The following CACNA1E variants were observed in gnomAD, a reference collection of about 807,000 sequenced individuals.
The protein encoded by CACNA1E is calcium voltage-gated channel subunit alpha1 E.
In CACNA1E, 40 loss-of-function variants were observed where a neutral mutation model predicts 259.2. The observed-to-expected ratio is 0.15, with a 90% confidence interval of 0.12 to 0.20. The LOEUF (loss-of-function observed/expected upper bound fraction) is 0.20. Among genes scored for constraint, CACNA1E ranks in the 10% least tolerant of loss-of-function variants. The pLI is 1.00. For synonymous variants in CACNA1E, 1,104 were observed against 1,138.5 expected (o/e 0.97, Z 0.61); for missense variants, 1,874 against 3,040.1 (o/e 0.62, Z 9.02).
chr1:181,776,293 G>A lies in CACNA1E; in HGVS notation c.5267+65G>A. 6.4e-7 allele frequency: 1 copy of A among 1,570,966 alleles called. No individual in the cohort carries two copies. Among genetic ancestry groups the A allele is most frequent in the South Asian group, 1.1e-5 (1 of 90,020 alleles). The stretch of plus-strand genomic sequence containing the variant: ...AAAGGTCTCTGGAGTTCCCAGGGAA[G>A]AGGCTGGAATTGGAGCCACCCAAAT... On this transcript the variant is annotated intron_variant, in intron 38 of 47. Coordinates refer to ENST00000367573, the MANE Select transcript of CACNA1E (RefSeq NM_001205293.3). This position sits in a 1 kb window ranked among gnomAD's most constrained non-coding sequence, Gnocchi z 4.4.
intron 4 of CACNA1E, among the ~76,000 whole-genome samples, chr1:181,578,825 A>G (rs1651235049): frequency 6.6e-6 from 1 of 152,226 alleles, no homozygotes; most frequent in Non-Finnish European, 1.5e-5. Flanking sequence ...CTTCCCCAAC[A>G]GAGACTGAGA....
intron 1 of CACNA1E, among the ~76,000 whole-genome samples, chr1:181,401,998 T>G (rs76927137): frequency 0.032 from 4,804 of 152,188 alleles, 248 homozygotes; most frequent in African/African-American, 0.11. Context: ...GTAGAAGAAA[T>G]GTAGGATGGC....
chr1:181,684,005 A>G (rs2102280542), intron 7 of CACNA1E, among the ~76,000 whole-genome samples: 1 of 152,162 alleles, frequency 6.6e-6, no homozygotes, highest in Middle Eastern at 3.4e-3. Flanking sequence ...TGACTTGATC[A>G]GGTTTGCTAG....
chr1:181,326,040 A>G (rs909351698), intron 1 of CACNA1E, among the ~76,000 whole-genome samples: 1 of 152,150 alleles, frequency 6.6e-6, no homozygotes, highest in Non-Finnish European at 1.5e-5. Context: ...CTTGGAAGTT[A>G]AATCTTGGAG....
rs1558412798 is a variant in CACNA1E at position 181,801,016 on chromosome 1, A to G, written c.*2182A>G. ...TGATATACAGCACCCTGATCCTAACAGGTGTGATTGTTACGTAAGACGCTG... is the reference window on the plus strand; with the variant it reads ...TGATATACAGCACCCTGATCCTAACGGGTGTGATTGTTACGTAAGACGCTG... On this transcript the variant is annotated 3_prime_UTR_variant, in exon 48 of 48. Coordinates refer to ENST00000367573, the MANE Select transcript of CACNA1E (RefSeq NM_001205293.3). 1 of 152,630 alleles carries G rather than the reference A, an allele frequency of 6.6e-6. No homozygotes were observed. Among genetic ancestry groups the G allele is most frequent in the Non-Finnish European group, 1.5e-5 (1 of 68,054 alleles). The allele number at this position is 152,630 out of a possible 1,614,324, so 9.5% of individuals were successfully genotyped here.
intron 7 of CACNA1E, among the ~76,000 whole-genome samples, chr1:181,705,165 A>T (rs976168411): frequency 1.8e-4 from 27 of 152,232 alleles, no homozygotes; most frequent in Admixed American, 1.6e-3. Context: ...ATAGGTTCAT[A>T]CATTCATAAA....
chr1:181,478,999 T>C (rs1358681331), upstream of CACNA1E, among the ~76,000 whole-genome samples: 1 of 152,238 alleles, frequency 6.6e-6, no homozygotes, highest in African/African-American at 2.4e-5. Flanking sequence ...ATAAATGCTT[T>C]GAAATGTAAT....
intron 15 of CACNA1E, 51 bp from the exon 16 acceptor site, chr1:181,721,707 T>C: frequency 8.0e-7 from 1 of 1,250,538 alleles, no homozygotes; most frequent in Non-Finnish European, 1.2e-6. Flanking sequence ...ATTGGCCCCA[T>C]TTTCTCCTCC....
At position 181,460,590 on chromosome 1, in the gene CACNA1E, C is replaced by T. The variant is rs1021108723; in HGVS notation, c.435-23154C>T. Reference sequence around the variant, plus strand: ...GAGAACTGAAGACCTTTACAGAAACCTCAGGACATTTTTATTCAAACCCAT... The same window carrying T: ...GAGAACTGAAGACCTTTACAGAAACTTCAGGACATTTTTATTCAAACCCAT... On this transcript the variant is annotated intron_variant, in intron 2 of 11. Transcript: ENST00000524607. 5.3e-5 allele frequency among the ~76,000 whole-genome samples: 8 copies of T among 152,174 alleles called. No homozygotes were observed. In the South Asian group the frequency reaches 8.3e-4, roughly 16 times the overall value.
At chr1:181,510,295 C>T (rs901127125) in intron 1 of CACNA1E, among the ~76,000 whole-genome samples, 182 bp from the exon 2 acceptor site, 2 of 152,164 alleles carry the variant, frequency 1.3e-5, no homozygotes. Flanking sequence ...TTTGGTTTCA[C>T]AAAACCAAAA....
At chr1:181,365,431 C>T (rs1197795554) in intron 1 of CACNA1E, among the ~76,000 whole-genome samples, 1 of 152,244 alleles carries the variant, frequency 6.6e-6, no homozygotes, top group Non-Finnish European at 1.5e-5. Flanking sequence ...CTTGACCTCC[C>T]AAATTGCTGG....
chr1:181,675,712 G>T lies in CACNA1E; in HGVS notation c.1055+24271G>T, dbSNP rs391222. Reference sequence around the variant, plus strand: ...CAAAGGATACATCTGAAGAGGCTGTGAGCCCTTCTTGTCACCCTCTGTGTG... The same window carrying T: ...CAAAGGATACATCTGAAGAGGCTGTTAGCCCTTCTTGTCACCCTCTGTGTG... On this transcript the variant is annotated intron_variant, in intron 7 of 47. Coordinates refer to ENST00000367573, the MANE Select transcript of CACNA1E (RefSeq NM_001205293.3). 7.2e-4 allele frequency among the ~76,000 whole-genome samples: 109 copies of T among 152,326 alleles called. No individual in the cohort carries two copies. The East Asian group carries it at 0.013, about 18-fold the overall frequency.
intron 18 of CACNA1E, among the ~76,000 whole-genome samples, chr1:181,726,892 G>C (rs1454287929): frequency 6.6e-6 from 1 of 152,138 alleles, no homozygotes; most frequent in African/African-American, 2.4e-5. Flanking sequence ...TTTGGAGAGA[G>C]AGCCAATAGG....
chr1:181,772,265 G>A (rs754238200), intron 37 of CACNA1E, 34 bp downstream of exon 37: 1 of 1,597,608 alleles, frequency 6.3e-7, no homozygotes, highest in South Asian at 1.1e-5. Context: ...TTGCTATGTG[G>A]CCCATCCCAT....
chr1:181,468,267 A>G (rs1662273279), intron 2 of CACNA1E, among the ~76,000 whole-genome samples: 1 of 152,204 alleles, frequency 6.6e-6, no homozygotes, highest in African/African-American at 2.4e-5. Flanking sequence ...GTCTGCCTCC[A>G]CGCATTGGGT....
intron 1 of CACNA1E, among the ~76,000 whole-genome samples, chr1:181,410,096 A>C (rs1348786856): frequency 6.6e-6 from 1 of 152,000 alleles, no homozygotes; most frequent in Non-Finnish European, 1.5e-5. Context: ...TGGAGATGCT[A>C]AGGCCTGGGG....
rs1188015496 is a variant in CACNA1E, at chr1:181,789,897, T to TCTGAAATCCTTCTCAGTTCATGAAC, written c.5787-546_5787-522dup. 2.6e-5 allele frequency among the ~76,000 whole-genome samples: 4 copies of TCTGAAATCCTTCTCAGTTCATGAAC among 152,276 alleles called. No individual in the cohort carries two copies. The East Asian group carries it at 7.7e-4, about 29-fold the overall frequency. On this transcript the variant is annotated intron_variant, in intron 43 of 47. Coordinates refer to ENST00000367573, the MANE Select transcript of CACNA1E (RefSeq NM_001205293.3). ...AGGTTTTCAACTCCTCACCACCACC[T>TCTGAAATCCTTCTCAGTTCATGAAC]CTGAAATCCTTCTCAGTTCATGAAC...
At chr1:181,754,992 C>T (rs1456551217) in intron 27 of CACNA1E, among the ~76,000 whole-genome samples, 1 of 152,196 alleles carries the variant, frequency 6.6e-6, no homozygotes, top group East Asian at 1.9e-4. Context: ...ATTTCTACTG[C>T]GTTGGGTCTA....
At chr1:181,332,060 T>G (rs1220470875) in intron 1 of CACNA1E, among the ~76,000 whole-genome samples, 1 of 152,234 alleles carries the variant, frequency 6.6e-6, no homozygotes, top group Admixed American at 6.5e-5. Context: ...GCATGTCCTT[T>G]GCAAGGACAT....
Sources: allele counts gnomAD v4.1 joint callset (sites outside exome capture counted in the v4.1 genomes callset), GRCh38; gene constraint gnomAD v4.1.1; non-coding constraint Gnocchi (gnomAD v3.1); transcripts MANE v1.5; gene names NCBI Gene and HGNC (gene_info 2026-07-23, HGNC 2026-07-21).